Variants in SLC26A9 observed in about 807,000 individuals in gnomAD.
SLC26A9 encodes anion transporter/exchanger protein 9.
SLC26A9 carries 46 observed loss-of-function variants against 87.1 expected under a neutral mutation model. That is an observed-to-expected ratio of 0.53 (90% CI 0.42 to 0.67). The LOEUF (loss-of-function observed/expected upper bound fraction) is 0.67, where lower values mean the gene tolerates loss of function less well. SLC26A9 is among the 30% of genes least tolerant of loss of function. The probability of loss-of-function intolerance (pLI) is 0.00; values close to 1 mark genes in which losing one functional copy is unlikely to be tolerated. For synonymous variants in SLC26A9, 437 were observed against 409.1 expected (o/e 1.07, Z -0.82); for missense variants, 927 against 1,018.3 (o/e 0.91, Z 1.22).
In SLC26A9 at chr1:205,931,954, T is replaced by C. The variant is rs1558127146; in HGVS notation, c.458A>G (p.Asn153Ser). 2.5e-6 allele frequency: 4 copies of C among 1,614,114 alleles called. No homozygotes were observed. The Admixed American group carries it at 6.7e-5, about 27-fold the overall frequency. ...GTCCACATAGCTCTCATTGGTGGCA[T>C]TGTTGAAGACCTGGAATTTCGACTC... is the stretch of plus-strand genomic sequence containing the variant. ...APESKFQVFNNATNESYVDTA... is the reference protein window; with the variant it reads ...APESKFQVFNSATNESYVDTA... Residue 153 changes from asparagine to serine, a missense_variant, in exon 5 of 21, where the codon AAT becomes AGT. Transcript: ENST00000367135.
rs1186478250 is a variant in SLC26A9, at chr1:205,936,116, A to AC, written c.-18-279dup. ...ACTCCACACCTGTGGCGTCACCATC[A>AC]CCCCCACTGAGCACCAGGCAAAGGG... On this transcript the variant is annotated intron_variant, in intron 1 of 20. Coordinates refer to ENST00000367135, the MANE Select transcript of SLC26A9 (RefSeq NM_052934.4). Among the ~76,000 whole-genome samples, 19 of 151,604 alleles carry AC rather than the reference A, an allele frequency of 1.3e-4. No homozygotes were observed. In the East Asian group the frequency reaches 1.6e-3, roughly 12 times the overall value.
chr1:205,933,043 A>G lies in SLC26A9; in HGVS notation c.167T>C (p.Leu56Pro). Residue 56 changes from leucine (L) to proline (P), a missense_variant, in exon 3 of 21, where the codon CTG (leucine) becomes CCG (proline). Transcript: ENST00000367135. ...CTTGGGGAGCCAGGAGAGCACAGGC[A>G]GCAGCCCAAACACCACAGCTTTGAT... The part of the protein sequence containing the change: ...AKIKAVVFGL[L>P]PVLSWLPKYK... The G allele has an allele frequency of 1.2e-6, 2 of 1,614,206 alleles. No individual in the cohort carries two copies. The highest frequency in any genetic ancestry group is 1.7e-6 in the Non-Finnish European group (2 of 1,180,028).
At chr1:205,938,266 G>T (rs11240597) in intron 1 of SLC26A9, among the ~76,000 whole-genome samples, 1 of 147,414 alleles carries the variant, frequency 6.8e-6, no homozygotes, top group Non-Finnish European at 1.5e-5. Flanking sequence ...TTCCTCCCTC[G>T]CTTCCTTCCT....
At chr1:205,942,443 G>C (rs1294367031) in intron 1 of SLC26A9, among the ~76,000 whole-genome samples, 1 of 152,228 alleles carries the variant, frequency 6.6e-6, no homozygotes, top group Non-Finnish European at 1.5e-5. Flanking sequence ...CCCACTTGGG[G>C]GGCTGCGTCA....
chr1:205,923,619 T>A lies in SLC26A9; in HGVS notation c.1497-6A>T. 1 of 1,614,160 alleles carries A rather than the reference T, an allele frequency of 6.2e-7. No individual in the cohort carries two copies. The highest frequency in any genetic ancestry group is 1.3e-5 in the African/African-American group (1 of 75,028). On this transcript the variant is annotated splice_region_variant and splice_polypyrimidine_tract_variant and intron_variant, in intron 13 of 20. Coordinates refer to ENST00000367135, the MANE Select transcript of SLC26A9 (RefSeq NM_052934.4). ...CCAGTGCATAGCCATTTCGACTGGA[T>A]GAAGCAGGAAGAGAAAAACATAAGA... is the stretch of plus-strand genomic sequence containing the variant.
At chr1:205,915,505 C>A in intron 20 of SLC26A9, 101 bp from the exon 21 acceptor site, 1 of 1,454,564 alleles carries the variant, frequency 6.9e-7, no homozygotes, top group Non-Finnish European at 9.5e-7. Context: ...AACCCCTGGC[C>A]AGAACAAAGC....
intron 19 of SLC26A9, 32 bp downstream of exon 19, chr1:205,918,808 A>G (rs757597186): frequency 1.1e-5 from 17 of 1,597,304 alleles, no homozygotes; most frequent in Non-Finnish European, 1.5e-5. Context: ...AGTGCCTTGG[A>G]GCCTAGGATT....
At chr1:205,916,207 A>C (rs1486910163) in intron 20 of SLC26A9, among the ~76,000 whole-genome samples, 1 of 152,124 alleles carries the variant, frequency 6.6e-6, no homozygotes, top group African/African-American at 2.4e-5. Context: ...AGTGATTCTC[A>C]TGCCTCAGAC....
chr1:205,940,926 G>C (rs1383910038), intron 1 of SLC26A9, among the ~76,000 whole-genome samples: 2 of 152,234 alleles, frequency 1.3e-5, no homozygotes, highest in Non-Finnish European at 2.9e-5. Flanking sequence ...GCCGGTTGCT[G>C]TGTTCTGGGA....
In SLC26A9 at chr1:205,914,891, C is replaced by G. The variant is rs975485785; in HGVS notation, c.*466G>C. On this transcript the variant is annotated 3_prime_UTR_variant, in exon 21 of 21. Transcript: ENST00000367135. ...AGCCAGAGTCCTAACCAAGTTTATCCCTATGTCCGTGACAGCCTGACACCA... is the reference window on the plus strand; with the variant it reads ...AGCCAGAGTCCTAACCAAGTTTATCGCTATGTCCGTGACAGCCTGACACCA... 1 of 1,607,220 alleles carries G rather than the reference C, an allele frequency of 6.2e-7. No homozygotes were observed. Among genetic ancestry groups the G allele is most frequent in the Non-Finnish European group, 8.5e-7 (1 of 1,176,122 alleles).
At chr1:205,925,952 C>T (rs995176713) in intron 12 of SLC26A9, among the ~76,000 whole-genome samples, 9 of 152,158 alleles carry the variant, frequency 5.9e-5, no homozygotes, top group Non-Finnish European at 1.2e-4. Context: ...TGCGCTCATG[C>T]GGTGTTTTCC....
At chr1:205,941,186 T>C (rs1659728967) in intron 1 of SLC26A9, among the ~76,000 whole-genome samples, 1 of 152,120 alleles carries the variant, frequency 6.6e-6, no homozygotes, top group African/African-American at 2.4e-5. Context: ...TTTTGTTTTT[T>C]GAGGTGGAGT....
At chr1:205,931,775 C>T in intron 5 of SLC26A9, 85 bp downstream of exon 5, 1 of 1,503,166 alleles carries the variant, frequency 6.7e-7, no homozygotes, top group Non-Finnish European at 8.9e-7. Context: ...CCCCCTAAAT[C>T]AGATTTAGCA....
rs569162707 is a variant in SLC26A9, at chr1:205,934,903, C to A, written c.125+793G>T. Among the ~76,000 whole-genome samples the A allele has an allele frequency of 2.6e-5, 4 of 152,312 alleles. No individual in the cohort carries two copies. The East Asian group carries it at 7.7e-4, about 29-fold the overall frequency. On this transcript the variant is annotated intron_variant, in intron 2 of 20. Transcript: ENST00000367135. ...AAGTGGGTGATTCCCCCGGCCTGAA[C>A]CAGTTCCACCTGCGTCTCCACTTCA...
At chr1:205,917,941 G>A (rs186841220) in intron 19 of SLC26A9, among the ~76,000 whole-genome samples, 1 of 152,288 alleles carries the variant, frequency 6.6e-6, no homozygotes, top group African/African-American at 2.4e-5. Context: ...ACAAATTCAC[G>A]AAGCAGGAAA....
rs754571605 is a variant in SLC26A9, at chr1:205,929,315, G to A, written c.759C>T (p.Ile253=). The part of the protein sequence containing the change: ...DICKNLPHTN[I]ASLIFALISG... The stretch of plus-strand genomic sequence containing the variant: ...TGATGAGAGCGAAGATGAGCGAGGC[G>A]ATGTTGGTGTGGGGGAGGTTTTTGC... The change falls in exon 7 of 21, where the codon ATC becomes ATT. Residue 253 remains isoleucine, a synonymous_variant. Coordinates refer to ENST00000367135, the MANE Select transcript of SLC26A9 (RefSeq NM_052934.4). The A allele has an allele frequency of 1.6e-4, 264 of 1,614,106 alleles. No individual in the cohort carries two copies. Among genetic ancestry groups the A allele is most frequent in the Non-Finnish European group, 2.2e-4 (257 of 1,180,050 alleles).
Position 205,914,577 on chromosome 1 carries a change from A to G in SLC26A9, c.*780T>C, listed in dbSNP as rs1483756586. ...ATCCCCCTCTTTGGGGTTTCTAGCC[A>G]GCCTCCAGGGGAAGGGAGCAGCCTC... On this transcript the variant is annotated 3_prime_UTR_variant, in exon 21 of 21. Transcript: ENST00000367135. The G allele has an allele frequency of 6.6e-6, 2 of 303,132 alleles. No homozygotes were observed. Among genetic ancestry groups the G allele is most frequent in the South Asian group, 1.8e-4 (2 of 10,958 alleles). The allele number at this position is 303,132 out of a possible 1,614,324, so 18.8% of individuals were successfully genotyped here.
chr1:205,932,369 G>A (rs1439805937), intron 4 of SLC26A9, among the ~76,000 whole-genome samples: 1 of 152,324 alleles, frequency 6.6e-6, no homozygotes, highest in African/African-American at 2.4e-5. Flanking sequence ...TGTCCCTGTA[G>A]TGGCCGGCTG....
In SLC26A9 at chr1:205,934,561, ACATT is replaced by A. The variant is rs373462472; in HGVS notation, c.125+1131_125+1134del. On this transcript the variant is annotated intron_variant, in intron 2 of 20. Coordinates refer to ENST00000367135, the MANE Select transcript of SLC26A9 (RefSeq NM_052934.4). ...AGGCTGAGAGGGATTAGCTTTCTAG[ACATT>A]CATTCATTCATTCATTCATGAAACA... Among the ~76,000 whole-genome samples the A allele has an allele frequency of 6.6e-5, 10 of 152,338 alleles. No individual in the cohort carries two copies. In the South Asian group the frequency reaches 1.5e-3, roughly 22 times the overall value.
Sources: gnomAD v4.1 joint callset for allele counts (sites outside exome capture counted in the v4.1 genomes callset) on GRCh38, gnomAD v4.1.1 for gene constraint, MANE v1.5 for transcripts, NCBI Gene and HGNC (gene_info 2026-07-23, HGNC 2026-07-21) for gene names.